The following FNBP1 variants were observed in gnomAD, a reference collection of about 807,000 sequenced individuals.
The protein encoded by FNBP1 is formin binding protein 1.
A neutral mutation model predicts 90.6 loss-of-function variants in FNBP1; 26 were observed. The ratio of observed to expected loss-of-function variants is 0.29; its 90% CI spans 0.21 to 0.40. FNBP1 has a LOEUF of 0.40. Ranked by LOEUF, FNBP1 falls within the 10% of genes least tolerant of loss-of-function variation. The pLI, the probability that FNBP1 is intolerant of heterozygous loss-of-function variation, is 1.00. For missense variants in FNBP1, 635 were observed against 768.0 expected, an observed-to-expected ratio of 0.83 and a Z score of 2.05; for synonymous variants, 260 against 265.2, an observed-to-expected ratio of 0.98 and a Z score of 0.19.
intron 11 of FNBP1, among the ~76,000 whole-genome samples, chr9:129,915,660 G>A (rs1335935712): frequency 1.3e-5 from 2 of 152,224 alleles, no homozygotes; most frequent in South Asian, 2.1e-4. Context: ...CACTGCGCCC[G>A]GCCTTTACGT....
intron 1 of FNBP1, among the ~76,000 whole-genome samples, chr9:130,018,114 CTG>C (rs1323280032): frequency 6.6e-6 from 1 of 151,554 alleles, no homozygotes; most frequent in Non-Finnish European, 1.5e-5. Flanking sequence ...CAGAGTTTCA[CTG>C]TGTTAGCCAG....
Position 129,889,131 on chromosome 9 carries a change from A to G in FNBP1, c.*1408T>C, listed in dbSNP as rs1246590509. On this transcript the variant is annotated 3_prime_UTR_variant, in exon 17 of 17. Coordinates refer to ENST00000446176, the MANE Select transcript of FNBP1 (RefSeq NM_015033.3). ...ATTAGGGGACCTCAGGTTTTCCTCA[A>G]AAACCCACACAGGGAAAGAAACTTG... 1 of 222,404 alleles carries G rather than the reference A, an allele frequency of 4.5e-6. No homozygotes were observed. Among genetic ancestry groups the G allele is most frequent in the Non-Finnish European group, 9.0e-6 (1 of 111,426 alleles). The allele number at this position is 222,404 out of a possible 1,614,324, so 13.8% of individuals were successfully genotyped here.
intron 11 of FNBP1, among the ~76,000 whole-genome samples, chr9:129,914,755 GTCTATATATATATATA>G (rs1554775239): frequency 0.016 from 1,605 of 98,434 alleles, 90 homozygotes; most frequent in Middle Eastern, 0.048. Context: ...ACATACATAT[GTCTATATATATATATA>G]TATATATATA....
chr9:129,931,890 AAG>A (rs1564364706), intron 6 of FNBP1, among the ~76,000 whole-genome samples: 1 of 151,996 alleles, frequency 6.6e-6, no homozygotes, highest in African/African-American at 2.4e-5. Flanking sequence ...AAAGACAGAA[AAG>A]AAGAAAAGAG....
At chr9:129,958,454 A>G (rs372075724) in intron 5 of FNBP1, 37 bp downstream of exon 5, 77 of 1,515,680 alleles carry the variant, frequency 5.1e-5, no homozygotes, top group Non-Finnish European at 6.7e-5. Flanking sequence ...AAAAAAATCT[A>G]TAAAGCCGTT....
intron 6 of FNBP1, among the ~76,000 whole-genome samples, chr9:129,938,175 A>T (rs4837433): frequency 0.87 from 132,809 of 152,024 alleles, 58,078 homozygotes; most frequent in East Asian, 0.97. Context: ...AAAAATAAAT[A>T]AATTAATTAA....
Position 129,899,963 on chromosome 9 carries a change from A to C in FNBP1, c.1687+2T>G. On this transcript the variant is annotated splice_donor_variant, in intron 15 of 16. Transcript: ENST00000446176. LOFTEE classifies it high-confidence loss of function. ...GGGAATCCAGCAGACATGAAATGTCACCTTCAAATGTGTAGAGAGCTTTGC... is the reference window on the plus strand; with the variant it reads ...GGGAATCCAGCAGACATGAAATGTCCCCTTCAAATGTGTAGAGAGCTTTGC... 1 of 1,583,170 alleles carries C rather than the reference A, an allele frequency of 6.3e-7. No individual in the cohort carries two copies. Among genetic ancestry groups the C allele is most frequent in the Non-Finnish European group, 8.6e-7 (1 of 1,164,864 alleles).
At chr9:129,894,333 T>C (rs2035428109) in intron 16 of FNBP1, among the ~76,000 whole-genome samples, 1 of 152,234 alleles carries the variant, frequency 6.6e-6, no homozygotes, top group South Asian at 2.1e-4. Flanking sequence ...TCAATGCCAA[T>C]TTAAAAATGC....
intron 6 of FNBP1, among the ~76,000 whole-genome samples, chr9:129,956,943 C>T (rs959862535): frequency 6.6e-6 from 1 of 152,016 alleles, no homozygotes; most frequent in Non-Finnish European, 1.5e-5. Context: ...CCCCATGTAG[C>T]GCCTTTTGTG....
Position 129,900,418 on chromosome 9 carries a change from T to C in FNBP1, c.1550+8A>G, listed in dbSNP as rs2036682027. ...TTGCCAGAGGCAGGCGCTGTGCAGA[T>C]ACTGTACCTCTCACGGTCCTGGGCG... On this transcript the variant is annotated splice_region_variant and intron_variant, in intron 14 of 16. Transcript: ENST00000446176. This position sits in a 1 kb window ranked among gnomAD's most constrained non-coding sequence, Gnocchi z 4.1. The C allele has an allele frequency of 1.9e-6, 3 of 1,573,108 alleles. No individual in the cohort carries two copies. The highest frequency in any genetic ancestry group is 2.6e-6 in the Non-Finnish European group (3 of 1,163,104).
intron 1 of FNBP1, among the ~76,000 whole-genome samples, chr9:130,018,044 G>A (rs1364268829): frequency 9.4e-5 from 14 of 149,570 alleles, no homozygotes; most frequent in Admixed American, 7.4e-4. Context: ...CTCCCAAGTA[G>A]CTGGGACTAC....
intron 6 of FNBP1, among the ~76,000 whole-genome samples, chr9:129,934,634 CA>C (rs2043182155): frequency 6.6e-6 from 1 of 151,434 alleles, no homozygotes; most frequent in Non-Finnish European, 1.5e-5. Flanking sequence ...TGCAGTGGCA[CA>C]ATCTTGGCTC....
At chr9:129,937,638 C>T (rs879390913) in intron 6 of FNBP1, among the ~76,000 whole-genome samples, 4 of 150,344 alleles carry the variant, frequency 2.7e-5, no homozygotes, top group Admixed American at 6.6e-5. Flanking sequence ...GGCTGAGGCA[C>T]GAGAATCGCT....
At chr9:129,970,632 T>C (rs1262638082) in intron 4 of FNBP1, among the ~76,000 whole-genome samples, 1 of 152,200 alleles carries the variant, frequency 6.6e-6, no homozygotes, top group Non-Finnish European at 1.5e-5. Flanking sequence ...ATATTCTTTT[T>C]ATATGCACCC....
chr9:129,927,260 T>C lies in FNBP1; in HGVS notation c.724A>G (p.Ile242Val), dbSNP rs1474335704. 6.2e-7 allele frequency: 1 copy of C among 1,613,412 alleles called. No individual in the cohort carries two copies. Among genetic ancestry groups the C allele is most frequent in the Non-Finnish European group, 8.5e-7 (1 of 1,179,324 alleles). ...KTYAEVDRQVIPIIGKCLDGI... is the reference protein window; with the variant it reads ...KTYAEVDRQVVPIIGKCLDGI... ...TCCAGGCACTTCCCAATGATTGGGA[T>C]CACCTGCCGATCAACCTCTGCATAT... is the stretch of plus-strand genomic sequence containing the variant. Residue 242 changes from isoleucine to valine, a missense_variant, in exon 8 of 17, where the codon ATC (isoleucine) becomes GTC (valine). Ile to Val is a conservative substitution (Grantham distance 29). Coordinates refer to ENST00000446176, the MANE Select transcript of FNBP1 (RefSeq NM_015033.3).
At chr9:129,935,236 A>G (rs2043252577) in intron 6 of FNBP1, among the ~76,000 whole-genome samples, 1 of 148,196 alleles carries the variant, frequency 6.7e-6, no homozygotes, top group Admixed American at 6.9e-5. Flanking sequence ...CGACCCTGCC[A>G]CCTGAGCCTC....
At position 129,890,641 on chromosome 9, in the gene FNBP1, C is replaced by T; in HGVS notation, c.1847-95G>A. 1.3e-6 allele frequency: 1 copy of T among 778,412 alleles called. No homozygotes were observed. Among genetic ancestry groups the T allele is most frequent in the Admixed American group, 2.2e-5 (1 of 46,080 alleles). The allele number at this position is 778,412 out of a possible 1,614,324, so 48.2% of individuals were successfully genotyped here. A position where few individuals can be genotyped will look rare whatever the true frequency, so the allele number is the denominator to read the frequency against. ...TTTTGCTCTTGGCTACAAACTGCACCGCCCTGGGAGGGGAGGGTAGTGGGA... is the reference window on the plus strand; with the variant it reads ...TTTTGCTCTTGGCTACAAACTGCACTGCCCTGGGAGGGGAGGGTAGTGGGA... On this transcript the variant is annotated intron_variant, in intron 16 of 16. Coordinates refer to ENST00000446176, the MANE Select transcript of FNBP1 (RefSeq NM_015033.3). This position sits in a 1 kb window ranked among gnomAD's most constrained non-coding sequence, Gnocchi z 5.8.
At chr9:129,991,274 G>T (rs1240302384) in intron 2 of FNBP1, among the ~76,000 whole-genome samples, 2 of 139,436 alleles carry the variant, frequency 1.4e-5, no homozygotes, top group African/African-American at 2.7e-5. Context: ...TGGAAATGCA[G>T]ATTTTTTTTT....
chr9:130,002,513 C>A (rs539558461), intron 1 of FNBP1, among the ~76,000 whole-genome samples: 1 of 152,228 alleles, frequency 6.6e-6, no homozygotes, highest in Admixed American at 6.5e-5. Flanking sequence ...CCCAGCACCT[C>A]CCCCCTCTCT....
Sources: gnomAD v4.1 joint callset for allele counts (sites outside exome capture counted in the v4.1 genomes callset) on GRCh38, gnomAD v4.1.1 for gene constraint, Gnocchi (gnomAD v3.1) non-coding constraint, MANE v1.5 for transcripts, NCBI Gene and HGNC (gene_info 2026-07-23, HGNC 2026-07-21) for gene names.